Variants in MTUS2 observed in about 807,000 individuals in gnomAD.
MTUS2 encodes the protein microtubule-associated tumor suppressor candidate 2.
MTUS2 carries 40 observed loss-of-function variants against 114.1 expected under a neutral mutation model. The observed-to-expected ratio is 0.35, with a 90% CI of 0.27 to 0.46. The LOEUF is 0.46. MTUS2 is among the 20% of genes least tolerant of loss of function. The probability of loss-of-function intolerance (pLI) is 1.00; values close to 1 mark genes in which losing one functional copy is unlikely to be tolerated. For synonymous variants in MTUS2, 688 were observed against 672.0 expected (o/e 1.02, Z -0.37); for missense variants, 1,679 against 1,705.4 (o/e 0.98, Z 0.27).
intron 2 of MTUS2, among the ~76,000 whole-genome samples, chr13:28,903,082 C>G (rs536827397): frequency 6.6e-6 from 1 of 152,104 alleles, no homozygotes; most frequent in East Asian, 1.9e-4. Flanking sequence ...ACCATTTCAT[C>G]TAAAATTCCT....
Position 29,093,630 on chromosome 13 carries a change from A to G in MTUS2, c.2447-7143A>G, listed in dbSNP as rs541906116. Among the ~76,000 whole-genome samples the G allele has an allele frequency of 6.6e-4, 101 of 152,320 alleles. 1 individual carries two copies. In the Middle Eastern group the frequency reaches 0.024, roughly 36 times the overall value. ...TGTATTCTGTAAACTTGCTAAACTCATTTATTAGTTATAATAGTTTTTTAG... is the reference window on the plus strand; with the variant it reads ...TGTATTCTGTAAACTTGCTAAACTCGTTTATTAGTTATAATAGTTTTTTAG... On this transcript the variant is annotated intron_variant, in intron 4 of 15. Coordinates refer to ENST00000612955, the MANE Select transcript of MTUS2 (RefSeq NM_001033602.4).
intron 14 of MTUS2, among the ~76,000 whole-genome samples, chr13:29,498,977 G>T (rs1410061063): frequency 1.3e-5 from 2 of 152,164 alleles, no homozygotes; most frequent in Non-Finnish European, 2.9e-5. Flanking sequence ...AAGGAGCCCT[G>T]GCCCAGTGCT....
chr13:29,158,562 A>G (rs1196761535), intron 5 of MTUS2, among the ~76,000 whole-genome samples: 1 of 151,856 alleles, frequency 6.6e-6, no homozygotes, highest in Non-Finnish European at 1.5e-5. Context: ...CAAGGAAGAC[A>G]TGGAAGAAAA....
chr13:29,452,045 T>A (rs1404965172), intron 9 of MTUS2, among the ~76,000 whole-genome samples: 1 of 152,228 alleles, frequency 6.6e-6, no homozygotes, highest in African/African-American at 2.4e-5. Context: ...AAACCAGTGA[T>A]GTCAACTGCC....
At chr13:29,138,204 G>A (rs4769682) in intron 5 of MTUS2, among the ~76,000 whole-genome samples, 152,073 of 152,116 alleles carry the variant, frequency 1, 76,015 homozygotes, top group Non-Finnish European at 1. Flanking sequence ...GCTGCTCCTT[G>A]GAGGTGCTAA....
At chr13:28,957,710 C>T (rs2138199465) in intron 2 of MTUS2, among the ~76,000 whole-genome samples, 1 of 152,278 alleles carries the variant, frequency 6.6e-6, no homozygotes, top group African/African-American at 2.4e-5. Flanking sequence ...GACCAATGCC[C>T]TGTGGATACT....
intron 5 of MTUS2, among the ~76,000 whole-genome samples, chr13:29,176,869 C>T (rs954260102): frequency 3.3e-5 from 5 of 151,344 alleles, no homozygotes; most frequent in African/African-American, 4.9e-5. Context: ...TGCATCCCTC[C>T]TCCCTCCTCT....
At chr13:29,476,981 C>T (rs1244184735) in intron 9 of MTUS2, 2 of 152,148 alleles carry the variant, frequency 1.3e-5, no homozygotes, top group African/African-American at 2.4e-5. Context: ...CTTTAGTTAT[C>T]CCATCCACAG....
chr13:29,203,828 T>C (rs952859073), intron 5 of MTUS2, among the ~76,000 whole-genome samples: 2 of 152,116 alleles, frequency 1.3e-5, no homozygotes, highest in Admixed American at 6.5e-5. Flanking sequence ...CCCACCCTGC[T>C]TCATCTCACC....
chr13:29,334,358 C>T (rs1900944140), intron 7 of MTUS2, among the ~76,000 whole-genome samples: 1 of 152,124 alleles, frequency 6.6e-6, no homozygotes, highest in Non-Finnish European at 1.5e-5. Flanking sequence ...TATTCCTTTC[C>T]ATGTTTAATG....
chr13:29,501,113 T>C lies in MTUS2; in HGVS notation c.3815T>C (p.Ile1272Thr), dbSNP rs202080264. 3.1e-6 allele frequency: 5 copies of C among 1,613,968 alleles called. No homozygotes were observed. The African/African-American group carries it at 4.0e-5, about 13-fold the overall frequency. Residue 1272 changes from isoleucine (I) to threonine (T), a missense_variant, in exon 15 of 16, where the codon ATC (isoleucine) becomes ACC (threonine). By Grantham distance (89) the Ile-to-Thr change is moderately conservative. Coordinates refer to ENST00000612955, the MANE Select transcript of MTUS2 (RefSeq NM_001033602.4). ...ELEKLAEKNIILEEKIQVLQQ... is the reference protein window; with the variant it reads ...ELEKLAEKNITLEEKIQVLQQ... ...CCTTTGTAGGCAGAAAAGAACATTATCCTAGAAGAAAAGATCCAGGTTCTC... is the reference window on the plus strand; with the variant it reads ...CCTTTGTAGGCAGAAAAGAACATTACCCTAGAAGAAAAGATCCAGGTTCTC...
rs545147670 is a variant in MTUS2 at position 28,914,203 on chromosome 13, G to A, written c.-243+74353G>A. ...TTGTGATGTTAGGAGTTTAATTTGA[G>A]ATGTTTCAGCTTTTCGATATGGGCA... On this transcript the variant is annotated intron_variant, in intron 2 of 15. Transcript: ENST00000612955. 3.9e-5 allele frequency among the ~76,000 whole-genome samples: 6 copies of A among 152,036 alleles called. No individual in the cohort carries two copies. The South Asian group carries it at 1.2e-3, about 32-fold the overall frequency.
At chr13:29,106,710 CTT>C (rs1278988566) in intron 5 of MTUS2, among the ~76,000 whole-genome samples, 1 of 152,068 alleles carries the variant, frequency 6.6e-6, no homozygotes, top group African/African-American at 2.4e-5. Flanking sequence ...CTGGTGAATT[CTT>C]TCTCTCTGGC....
intron 8 of MTUS2, among the ~76,000 whole-genome samples, chr13:29,432,241 G>A (rs1402925165): frequency 2.0e-5 from 3 of 151,948 alleles, no homozygotes; most frequent in Non-Finnish European, 4.4e-5. Context: ...AGAAAGACTC[G>A]TCCACAGGTA....
intron 5 of MTUS2, among the ~76,000 whole-genome samples, chr13:29,178,961 T>G (rs1893886597): frequency 6.6e-6 from 1 of 152,306 alleles, no homozygotes; most frequent in South Asian, 2.1e-4. Context: ...AGAGATGTAG[T>G]GCAGTGATAT....
chr13:28,984,564 A>C (rs1422681746), intron 2 of MTUS2, among the ~76,000 whole-genome samples: 1 of 152,282 alleles, frequency 6.6e-6, no homozygotes, highest in African/African-American at 2.4e-5. Flanking sequence ...CAGCGTGCCT[A>C]CGATAGAGTT....
At chr13:29,460,396 T>C (rs1879398709) in intron 9 of MTUS2, among the ~76,000 whole-genome samples, 1 of 152,094 alleles carries the variant, frequency 6.6e-6, no homozygotes, top group Admixed American at 6.5e-5. Context: ...CGCCCATTAC[T>C]CCCAGAGACA....
chr13:29,039,147 T>TGACCTTGGA (rs1236083960), intron 4 of MTUS2, among the ~76,000 whole-genome samples: 2 of 152,166 alleles, frequency 1.3e-5, no homozygotes, highest in Admixed American at 6.5e-5. Flanking sequence ...TAGCGGTCCT[T>TGACCTTGGA]GACCTTGGAG....
intron 4 of MTUS2, among the ~76,000 whole-genome samples, chr13:29,078,538 A>G (rs1889298800): frequency 6.6e-6 from 1 of 152,228 alleles, no homozygotes; most frequent in South Asian, 2.1e-4. Flanking sequence ...GATACAATTT[A>G]GTGGTTTTTA....
Sources: gnomAD v4.1 joint callset for allele counts (sites outside exome capture counted in the v4.1 genomes callset) on GRCh38, gnomAD v4.1.1 for gene constraint, MANE v1.5 for transcripts, NCBI Gene and HGNC (gene_info 2026-07-23, HGNC 2026-07-21) for gene names.